Variants in ADAMTS12 observed in about 807,000 individuals in gnomAD.
The protein encoded by ADAMTS12 is A disintegrin and metalloproteinase with thrombospondin motifs 12.
ADAMTS12 carries 118 observed loss-of-function variants against 167.8 expected under a neutral mutation model. The observed-to-expected ratio is 0.70, with a 90% CI of 0.61 to 0.82. The LOEUF is 0.82. Ranked by LOEUF, ADAMTS12 falls within the 40% of genes least tolerant of loss-of-function variation. The pLI is 0.00. For synonymous variants in ADAMTS12, 704 were observed against 716.9 expected (o/e 0.98, Z 0.29); for missense variants, 1,916 against 1,998.8 (o/e 0.96, Z 0.79).
chr5:33,838,292 G>C (rs1286293660), intron 2 of ADAMTS12, among the ~76,000 whole-genome samples: 1 of 151,934 alleles, frequency 6.6e-6, no homozygotes, highest in Non-Finnish European at 1.5e-5. Context: ...TGGTGTCAAA[G>C]GATTAAAAAA....
chr5:33,767,587 T>C (rs1745583945), intron 2 of ADAMTS12, among the ~76,000 whole-genome samples: 1 of 152,210 alleles, frequency 6.6e-6, no homozygotes, highest in Admixed American at 6.5e-5. Flanking sequence ...GGATACTAAA[T>C]AATATATACA....
chr5:33,564,123 A>G (rs1745885767), intron 19 of ADAMTS12, among the ~76,000 whole-genome samples: 1 of 152,238 alleles, frequency 6.6e-6, no homozygotes, highest in South Asian at 2.1e-4. Context: ...GCAGGAGGAC[A>G]TTGCAAGAGC....
At chr5:33,678,559 A>C (rs1311517525) in intron 5 of ADAMTS12, among the ~76,000 whole-genome samples, 2 of 152,182 alleles carry the variant, frequency 1.3e-5, no homozygotes, top group African/African-American at 4.8e-5. Flanking sequence ...GTGATCTGAG[A>C]GATTAGGCTG....
rs1205100834 is a variant in ADAMTS12, at chr5:33,770,840, CT to C, written c.490-19293del. ...CCTTCCTCTTCTTCTTCCTCTTCCC[CT>C]CCTCCTCCTCTTCCTCCTCCTCCTC... is the stretch of plus-strand genomic sequence containing the variant. On this transcript the variant is annotated intron_variant, in intron 2 of 23. Coordinates refer to ENST00000504830, the MANE Select transcript of ADAMTS12 (RefSeq NM_030955.4). Among the ~76,000 whole-genome samples the C allele has an allele frequency of 3.3e-5, 4 of 119,774 alleles. No individual in the cohort carries two copies. In the East Asian group the frequency reaches 6.2e-4, roughly 19 times the overall value. The allele number at this position is 119,774 out of a possible 152,430, so 78.6% of individuals were successfully genotyped here. A position where few individuals can be genotyped will look rare whatever the true frequency, so the allele number is the denominator to read the frequency against.
rs549120250 is a variant in ADAMTS12 at position 33,863,466 on chromosome 5, C to T, written c.489+17653G>A. ...CAATTGCTACAAAGAGAATAAAATA[C>T]CTAGGAATCCAACTTACAAGGAATG... On this transcript the variant is annotated intron_variant, in intron 2 of 23. Coordinates refer to ENST00000504830, the MANE Select transcript of ADAMTS12 (RefSeq NM_030955.4). 5.9e-5 allele frequency among the ~76,000 whole-genome samples: 9 copies of T among 152,206 alleles called. No individual in the cohort carries two copies. The East Asian group carries it at 1.7e-3, about 29-fold the overall frequency.
At chr5:33,594,682 A>C (rs1306111331) in intron 17 of ADAMTS12, among the ~76,000 whole-genome samples, 1 of 152,196 alleles carries the variant, frequency 6.6e-6, no homozygotes, top group Non-Finnish European at 1.5e-5. Flanking sequence ...ACGGAGAGGC[A>C]ATGACACATT....
chr5:33,652,356 T>C (rs1004909100), intron 7 of ADAMTS12, among the ~76,000 whole-genome samples: 7 of 152,172 alleles, frequency 4.6e-5, no homozygotes, highest in African/African-American at 1.7e-4. Flanking sequence ...CACTGTGGTT[T>C]TAATTTGCAT....
At chr5:33,818,155 CTAA>C (rs1747734801) in intron 2 of ADAMTS12, among the ~76,000 whole-genome samples, 2 of 151,922 alleles carry the variant, frequency 1.3e-5, no homozygotes, top group Admixed American at 6.6e-5. Context: ...ACAAAAATCC[CTAA>C]TATTATATAA....
At chr5:33,746,808 A>G (rs1744806719) in intron 3 of ADAMTS12, among the ~76,000 whole-genome samples, 1 of 152,232 alleles carries the variant, frequency 6.6e-6, no homozygotes, top group South Asian at 2.1e-4. Flanking sequence ...ATAATGTAGC[A>G]GGCCTGATTT....
intron 2 of ADAMTS12, among the ~76,000 whole-genome samples, chr5:33,763,842 A>G (rs924276833): frequency 2.0e-5 from 3 of 152,210 alleles, no homozygotes; most frequent in Non-Finnish European, 2.9e-5. Flanking sequence ...TATGGAATGG[A>G]GAGCTTGGGC....
At chr5:33,544,566 C>G (rs190770064) in intron 22 of ADAMTS12, among the ~76,000 whole-genome samples, 1 of 152,166 alleles carries the variant, frequency 6.6e-6, no homozygotes, top group East Asian at 1.9e-4. Flanking sequence ...CAATCCTAAG[C>G]AAAAAGAACA....
chr5:33,790,555 CA>C (rs35691545), intron 2 of ADAMTS12, among the ~76,000 whole-genome samples: 43,484 of 104,550 alleles, frequency 0.42, 7,329 homozygotes, highest in East Asian at 0.59. Flanking sequence ...GACTCCATCT[CA>C]AAAAAAAAAA....
At position 33,879,416 on chromosome 5, in the gene ADAMTS12, G is replaced by A. The variant is rs796976395; in HGVS notation, c.489+1703C>T. The stretch of plus-strand genomic sequence containing the variant: ...ACTTTCTCCAGTTCTGGCCATAGAG[G>A]ACCAGGTGCCATAATGCTTCCAGGG... On this transcript the variant is annotated intron_variant, in intron 2 of 23. Transcript: ENST00000504830. 4.6e-5 allele frequency among the ~76,000 whole-genome samples: 7 copies of A among 152,142 alleles called. No individual in the cohort carries two copies. The East Asian group carries it at 9.6e-4, about 21-fold the overall frequency.
chr5:33,780,147 C>T (rs949281845), intron 2 of ADAMTS12, among the ~76,000 whole-genome samples: 1 of 151,944 alleles, frequency 6.6e-6, no homozygotes, highest in Non-Finnish European at 1.5e-5. Flanking sequence ...GGGAAACCAA[C>T]CAAGAAGTCT....
chr5:33,576,222 G>C lies in ADAMTS12; in HGVS notation c.3804C>G (p.His1268Gln). The C allele has an allele frequency of 1.2e-6, 2 of 1,614,220 alleles. No individual in the cohort carries two copies. The highest frequency in any genetic ancestry group is 1.7e-6 in the Non-Finnish European group (2 of 1,180,050). ...GGTTCATGTTGTTTGGAAGTTTCAG[G>C]TGGTTACGGTTTGCCGTCTTTCCTG... ...EPSGKTANRN[H>Q]LKLPNNMNQT... Residue 1268 changes from histidine (H) to glutamine (Q), a missense_variant, in exon 19 of 24, where the codon CAC becomes CAG. Physicochemically the swap from His to Gln is conservative, Grantham distance 24 (BLOSUM62 0). Transcript: ENST00000504830.
chr5:33,665,826 GC>G (rs1004525720), intron 5 of ADAMTS12, among the ~76,000 whole-genome samples: 7 of 152,184 alleles, frequency 4.6e-5, no homozygotes, highest in Non-Finnish European at 8.8e-5. Flanking sequence ...CGATCCCTCT[GC>G]CTCCCATAAA....
chr5:33,810,218 G>C (rs1032155778), intron 2 of ADAMTS12, among the ~76,000 whole-genome samples: 1 of 152,052 alleles, frequency 6.6e-6, no homozygotes, highest in African/African-American at 2.4e-5. Flanking sequence ...AAAAATGCTA[G>C]AAAATAGGCC....
At position 33,692,866 on chromosome 5, in the gene ADAMTS12, G is replaced by A. The variant is rs533970445; in HGVS notation, c.635-8811C>T. On this transcript the variant is annotated intron_variant, in intron 3 of 23. Coordinates refer to ENST00000504830, the MANE Select transcript of ADAMTS12 (RefSeq NM_030955.4). ...AAGTCATATATTTACTCTTGTTCCGGAGAAAATAATCCCATGAGTCCTACA... is the reference window on the plus strand; with the variant it reads ...AAGTCATATATTTACTCTTGTTCCGAAGAAAATAATCCCATGAGTCCTACA... Among the ~76,000 whole-genome samples the A allele has an allele frequency of 2.6e-5, 4 of 152,308 alleles. No individual in the cohort carries two copies. The South Asian group carries it at 8.3e-4, about 32-fold the overall frequency.
At chr5:33,739,420 G>A (rs141892571) in intron 3 of ADAMTS12, among the ~76,000 whole-genome samples, 2 of 152,298 alleles carry the variant, frequency 1.3e-5, no homozygotes, top group East Asian at 1.9e-4. Flanking sequence ...AAATGCATGT[G>A]GAGTCTTTTT....
Sources: allele counts gnomAD v4.1 joint callset (sites outside exome capture counted in the v4.1 genomes callset), GRCh38; gene constraint gnomAD v4.1.1; transcripts MANE v1.5; gene names NCBI Gene and HGNC (gene_info 2026-07-23, HGNC 2026-07-21).